MIS18A: variants seen among roughly 807,000 people sequenced by gnomAD.
The protein encoded by MIS18A is MIS18 kinetochore protein A, also known as protein Mis18-alpha.
A neutral mutation model predicts 25.0 loss-of-function variants in MIS18A; 14 were observed. That is an observed-to-expected ratio of 0.56 (90% CI 0.37 to 0.88). The LOEUF (loss-of-function observed/expected upper bound fraction) is 0.88, where lower values mean the gene tolerates loss of function less well. Among genes scored for constraint, MIS18A ranks in the 40% least tolerant of loss-of-function variants. The pLI, the probability that MIS18A is intolerant of heterozygous loss-of-function variation, is 0.00. For missense variants in MIS18A, 292 were observed against 290.8 expected (o/e 1.00, Z -0.03); for synonymous variants, 134 against 118.6 (o/e 1.13, Z -0.84).
chr21:32,274,614 T>C (rs2031776193), intron 2 of MIS18A, among the ~76,000 whole-genome samples: 1 of 152,176 alleles, frequency 6.6e-6, no homozygotes, highest in South Asian at 2.1e-4. Flanking sequence ...CTTTTCAATA[T>C]CTAAAGGTGA....
At chr21:32,206,187 C>A in the MIS18A span, among the ~76,000 whole-genome samples, 3 of 152,194 alleles carry the variant, frequency 2.0e-5, no homozygotes, top group African/African-American at 7.2e-5. Context: ...TAGGTCTCCA[C>A]AGGCTCTTGG....
chr21:32,246,785 C>T, the MIS18A span, among the ~76,000 whole-genome samples: 1 of 152,194 alleles, frequency 6.6e-6, no homozygotes, highest in Non-Finnish European at 1.5e-5. Flanking sequence ...TGCCAAGCCC[C>T]CAGCAGTGTC....
At chr21:32,182,516 T>C in the MIS18A span, among the ~76,000 whole-genome samples, 7 of 152,288 alleles carry the variant, frequency 4.6e-5, no homozygotes, top group South Asian at 1.5e-3. Context: ...GTAGACAATA[T>C]CCATTTCATC....
chr21:32,208,273 A>G, the MIS18A span, among the ~76,000 whole-genome samples: 19,029 of 152,082 alleles, frequency 0.13, 1,457 homozygotes, highest in African/African-American at 0.2. Context: ...CCCAGTGTTG[A>G]AGGTAGGGCC....
the MIS18A span, among the ~76,000 whole-genome samples, chr21:32,173,992 G>T: frequency 9.5e-6 from 1 of 105,696 alleles, no homozygotes. Context: ...TTGAGACGGA[G>T]TCTCACTCTG....
chr21:32,169,191 A>G, the MIS18A span, among the ~76,000 whole-genome samples: 1 of 150,202 alleles, frequency 6.7e-6, no homozygotes, highest in South Asian at 2.1e-4. Flanking sequence ...CAGCCTCACA[A>G]GCACGGCAGC....
At chr21:32,200,332 T>A in the MIS18A span, among the ~76,000 whole-genome samples, 1 of 152,110 alleles carries the variant, frequency 6.6e-6, no homozygotes, top group Admixed American at 6.6e-5. Context: ...ACATTCTAGA[T>A]CAATTGTGGG....
chr21:32,243,533 T>C, the MIS18A span, among the ~76,000 whole-genome samples: 1 of 152,174 alleles, frequency 6.6e-6, no homozygotes, highest in African/African-American at 2.4e-5. Context: ...GAAGCACCAC[T>C]GTACACCTAA....
At chr21:32,211,619 T>C in the MIS18A span, among the ~76,000 whole-genome samples, 58,342 of 151,964 alleles carry the variant, frequency 0.38, 11,504 homozygotes, top group East Asian at 0.46. Flanking sequence ...CTGAGAGAAA[T>C]CCTAGGCATG....
intron 2 of MIS18A, among the ~76,000 whole-genome samples, chr21:32,272,105 G>A (rs1411311446): frequency 6.6e-6 from 1 of 152,172 alleles, no homozygotes; most frequent in Non-Finnish European, 1.5e-5. Context: ...GCAACTTTCC[G>A]CTTTCACAGT....
At chr21:32,235,623 A>C in the MIS18A span, among the ~76,000 whole-genome samples, 1 of 152,212 alleles carries the variant, frequency 6.6e-6, no homozygotes, top group African/African-American at 2.4e-5. Context: ...TTGTGCCAGC[A>C]AAAAAGGAAA....
At chr21:32,177,760 T>C in the MIS18A span, among the ~76,000 whole-genome samples, 2 of 152,070 alleles carry the variant, frequency 1.3e-5, no homozygotes, top group Middle Eastern at 3.2e-3. Context: ...ATATTGCTAA[T>C]ATTATATTAT....
chr21:32,222,489 A>G, the MIS18A span, among the ~76,000 whole-genome samples: 1 of 152,244 alleles, frequency 6.6e-6, no homozygotes, highest in Non-Finnish European at 1.5e-5. Context: ...CAGAATATAC[A>G]TTGATCTCAG....
chr21:32,155,443 A>G, the MIS18A span, among the ~76,000 whole-genome samples: 1 of 152,218 alleles, frequency 6.6e-6, no homozygotes, highest in African/African-American at 2.4e-5. Flanking sequence ...CAAATGAGGG[A>G]GATTCCTATC....
At chr21:32,205,306 G>A in the MIS18A span, among the ~76,000 whole-genome samples, 12 of 151,602 alleles carry the variant, frequency 7.9e-5, no homozygotes, top group South Asian at 4.2e-4. Flanking sequence ...GGGTTTCACC[G>A]TGTTAGCCAG....
the MIS18A span, among the ~76,000 whole-genome samples, chr21:32,224,507 A>G: frequency 2.9e-3 from 440 of 149,474 alleles, 3 homozygotes; most frequent in African/African-American, 9.8e-3. Flanking sequence ...GAGCCAAATC[A>G]TGAGTGAACT....
the MIS18A span, among the ~76,000 whole-genome samples, chr21:32,198,857 T>C: frequency 6.6e-6 from 1 of 151,028 alleles, no homozygotes; most frequent in Non-Finnish European, 1.5e-5. Context: ...TTTTAACCAG[T>C]GGACCCCATG....
chr21:32,157,057 T>TC, the MIS18A span, among the ~76,000 whole-genome samples: 2 of 144,654 alleles, frequency 1.4e-5, no homozygotes, highest in East Asian at 2.0e-4. Flanking sequence ...TTTCTTTCTT[T>TC]TTTTTTTTTT....
the MIS18A span, among the ~76,000 whole-genome samples, chr21:32,209,124 T>C: frequency 8.7e-4 from 132 of 151,676 alleles, 4 homozygotes; most frequent in South Asian, 0.027. Context: ...TACTTACTTT[T>C]AATGGAATCC....
Sources: gnomAD v4.1 joint callset for allele counts (sites outside exome capture counted in the v4.1 genomes callset) on GRCh38, gnomAD v4.1.1 for gene constraint, MANE v1.5 for transcripts, NCBI Gene and HGNC (gene_info 2026-07-23, HGNC 2026-07-21) for gene names.